The following SYK variants were observed in gnomAD, a reference collection of about 807,000 sequenced individuals.
The protein encoded by SYK is spleen associated tyrosine kinase.
Under a neutral mutation model 77.8 loss-of-function variants are expected in SYK, and 16 were observed. The ratio of observed to expected loss-of-function variants is 0.21; its 90% CI spans 0.14 to 0.31. The LOEUF (loss-of-function observed/expected upper bound fraction) is 0.31, where lower values mean the gene tolerates loss of function less well. SYK is among the 10% of genes least tolerant of loss of function. The pLI, the probability that SYK is intolerant of heterozygous loss-of-function variation, is 1.00. For synonymous variants in SYK, 312 were observed against 308.7 expected, an observed-to-expected ratio of 1.01 and a Z score of -0.11; for missense variants, 529 against 814.4, an observed-to-expected ratio of 0.65 and a Z score of 4.26.
chr9:90,863,721 C>T (rs1442534966), intron 4 of SYK, among the ~76,000 whole-genome samples: 2 of 152,158 alleles, frequency 1.3e-5, no homozygotes. Flanking sequence ...GGGAATGTGG[C>T]CTTCTGGAAT....
Position 90,884,314 on chromosome 9 carries a change from TACACATACACATACGTGTATATATAC to T in SYK, c.1582-3413_1582-3388del, listed in dbSNP as rs1429797780. ...ACATACGTGTATATATACACACATA[TACACATACACATACGTGTATATATAC>T]ACACATACACATACGTGTATACATA... is the stretch of plus-strand genomic sequence containing the variant. On this transcript the variant is annotated intron_variant, in intron 11 of 13. Coordinates refer to ENST00000375754, the MANE Select transcript of SYK (RefSeq NM_003177.7). Among the ~76,000 whole-genome samples the T allele has an allele frequency of 4.4e-4, 52 of 118,870 alleles. 2 individuals are homozygous for T. Among genetic ancestry groups the T allele is most frequent in the East Asian group, 1.5e-3 (5 of 3,374 alleles). The allele number at this position is 118,870 out of a possible 152,430, so 78.0% of individuals were successfully genotyped here. A position where few individuals can be genotyped will look rare whatever the true frequency, so the allele number is the denominator to read the frequency against.
chr9:90,873,493 TC>T (rs202140865), intron 7 of SYK, among the ~76,000 whole-genome samples: 16 of 151,722 alleles, frequency 1.1e-4, no homozygotes, highest in Admixed American at 2.0e-4. Flanking sequence ...TGAGTAGATT[TC>T]CCCCCCCAGT....
chr9:90,884,102 C>T (rs1473198440), intron 11 of SYK, among the ~76,000 whole-genome samples: 1 of 150,494 alleles, frequency 6.6e-6, no homozygotes, highest in Non-Finnish European at 1.5e-5. Flanking sequence ...TTAAATACTG[C>T]ATTCACCCCA....
At chr9:90,830,240 C>T (rs1825830689) in intron 1 of SYK, among the ~76,000 whole-genome samples, 1 of 152,218 alleles carries the variant, frequency 6.6e-6, no homozygotes, top group African/African-American at 2.4e-5. Flanking sequence ...GATGCACAGG[C>T]AGGCCTCAGG....
chr9:90,891,118 CCTTGGCCG>C lies in SYK; in HGVS notation c.1835+2492_1835+2499del, dbSNP rs1360101048. 6.3e-3 allele frequency among the ~76,000 whole-genome samples: 950 copies of C among 150,450 alleles called. 2 individuals are homozygous for C. The highest frequency in any genetic ancestry group is 0.013 in the South Asian group (61 of 4,718). On this transcript the variant is annotated intron_variant, in intron 13 of 13. Transcript: ENST00000375754. ...CTTTTATTATGCAGATGAGGTCTCT[CCTTGGCCG>C]ACGCCATGTTGCCTGCTTTTTTTTT...
intron 1 of SYK, among the ~76,000 whole-genome samples, chr9:90,814,965 C>T (rs1564069403): frequency 6.6e-6 from 1 of 152,178 alleles, no homozygotes; most frequent in Non-Finnish European, 1.5e-5. Context: ...GAGAAAGCTA[C>T]TAAGTCATGT....
chr9:90,825,067 C>T (rs10993700), intron 1 of SYK, among the ~76,000 whole-genome samples: 1 of 148,824 alleles, frequency 6.7e-6, no homozygotes, highest in Non-Finnish European at 1.5e-5. Flanking sequence ...CAGTAGTTAA[C>T]TATTGAAATT....
intron 6 of SYK, among the ~76,000 whole-genome samples, chr9:90,866,002 C>T (rs990765986): frequency 1.0e-4 from 15 of 149,830 alleles, no homozygotes; most frequent in African/African-American, 3.7e-4. Context: ...GGGTTCACGC[C>T]ATTCTCCTGC....
intron 13 of SYK, among the ~76,000 whole-genome samples, chr9:90,889,055 C>T (rs905134100): frequency 6.6e-6 from 1 of 152,176 alleles, no homozygotes; most frequent in Non-Finnish European, 1.5e-5. Context: ...CTGGCCAGCT[C>T]ACAGATACAT....
At chr9:90,806,301 T>A (rs773862424) in intron 1 of SYK, among the ~76,000 whole-genome samples, 3 of 152,226 alleles carry the variant, frequency 2.0e-5, no homozygotes, top group Non-Finnish European at 4.4e-5. Flanking sequence ...ACCCTCCATC[T>A]TCTTCTTGTC....
chr9:90,887,946 A>G, intron 12 of SYK, 57 bp downstream of exon 12: 2 of 1,475,754 alleles, frequency 1.4e-6, no homozygotes, highest in South Asian at 1.4e-5. Flanking sequence ...GATAAGCACC[A>G]GATTGTCTTT....
chr9:90,875,240 A>AAATAAATAAATAAAT (rs1564113162), intron 9 of SYK, among the ~76,000 whole-genome samples: 48 of 150,978 alleles, frequency 3.2e-4, no homozygotes, highest in African/African-American at 1.1e-3. Context: ...CTCTACAAAA[A>AAATAAATAAATAAAT]AAATAAATAA....
At position 90,874,230 on chromosome 9, in the gene SYK, A is replaced by G; in HGVS notation, c.942A>G (p.Gln314=). The G allele has an allele frequency of 2.5e-6, 4 of 1,614,178 alleles. No homozygotes were observed. Among genetic ancestry groups the G allele is most frequent in the Non-Finnish European group, 3.4e-6 (4 of 1,180,000 alleles). ...RKSSPAQGNR[Q]ESTVSFNPYE... ...CCTCCCCTGCCCAAGGGAACCGGCA[A>G]GAGAGTACTGTGTCATTCAATCCGT... Residue 314 remains glutamine (Q), a synonymous_variant, in exon 8 of 14, where the codon CAA becomes CAG. Transcript: ENST00000375754.
intron 1 of SYK, among the ~76,000 whole-genome samples, chr9:90,814,834 GCACA>G (rs567535954): frequency 1.0e-3 from 73 of 69,812 alleles, no homozygotes; most frequent in Admixed American, 3.7e-3. Context: ...CAACACACGT[GCACA>G]CACACACACA....
chr9:90,810,821 A>G (rs1825044173), intron 1 of SYK, among the ~76,000 whole-genome samples: 1 of 152,248 alleles, frequency 6.6e-6, no homozygotes, highest in Non-Finnish European at 1.5e-5. Context: ...GACAAACTCC[A>G]CAAAATTGTA....
At chr9:90,806,522 A>G (rs1824842378) in intron 1 of SYK, among the ~76,000 whole-genome samples, 1 of 152,084 alleles carries the variant, frequency 6.6e-6, no homozygotes, top group Admixed American at 6.6e-5. Flanking sequence ...GGCATGATCC[A>G]CTGTGCCCAG....
intron 11 of SYK, among the ~76,000 whole-genome samples, chr9:90,881,623 T>A (rs188232641): frequency 1.5e-5 from 2 of 136,974 alleles, no homozygotes; most frequent in African/African-American, 5.7e-5. Flanking sequence ...GAGGTTGCAG[T>A]GAGCTGAGAT....
intron 1 of SYK, among the ~76,000 whole-genome samples, chr9:90,838,479 T>C (rs1428426477): frequency 6.6e-6 from 1 of 152,208 alleles, no homozygotes; most frequent in East Asian, 1.9e-4. Flanking sequence ...TACAACTAAG[T>C]GCACATTTAA....
chr9:90,830,070 C>T (rs547901062), intron 1 of SYK, among the ~76,000 whole-genome samples: 14 of 152,344 alleles, frequency 9.2e-5, no homozygotes, highest in African/African-American at 2.9e-4. Flanking sequence ...AATCATGCCT[C>T]ATGCTACCAT....
Sources: allele counts gnomAD v4.1 joint callset (sites outside exome capture counted in the v4.1 genomes callset), GRCh38; gene constraint gnomAD v4.1.1; transcripts MANE v1.5; gene names NCBI Gene and HGNC (gene_info 2026-07-23, HGNC 2026-07-21).